MALRD1: variants seen among roughly 807,000 people sequenced by gnomAD.
MALRD1 encodes the protein MAM and LDL receptor class A domain containing 1.
MALRD1 carries 247 observed loss-of-function variants against 242.1 expected under a neutral mutation model. The ratio of observed to expected loss-of-function variants is 1.02; its 90% CI spans 0.92 to 1.13. The LOEUF (loss-of-function observed/expected upper bound fraction) is 1.13. MALRD1 is among the 50% of genes most tolerant of loss of function. The probability of loss-of-function intolerance (pLI) is 0.00; values close to 1 mark genes in which losing one functional copy is unlikely to be tolerated. For missense variants in MALRD1, 2,989 were observed against 2,533.1 expected (o/e 1.18, Z -3.86); for synonymous variants, 995 against 866.6 (o/e 1.15, Z -2.60).
At chr10:19,438,378 T>A (rs1464113208) in intron 28 of MALRD1, among the ~76,000 whole-genome samples, 1 of 152,222 alleles carries the variant, frequency 6.6e-6, no homozygotes, top group Admixed American at 6.5e-5. Context: ...CATTACATAA[T>A]GGATTATATG....
intron 35 of MALRD1, among the ~76,000 whole-genome samples, chr10:19,610,515 G>A (rs2131598159): frequency 6.6e-6 from 1 of 151,994 alleles, no homozygotes; most frequent in Middle Eastern, 3.4e-3. Flanking sequence ...CTGAGACTTG[G>A]TTTGTTGCAC....
chr10:19,688,393 A>G (rs1461178142), intron 36 of MALRD1, among the ~76,000 whole-genome samples: 1 of 152,162 alleles, frequency 6.6e-6, no homozygotes, highest in East Asian at 1.9e-4. Context: ...CTCCTTGGTA[A>G]TTAGGACTAC....
At chr10:19,527,513 C>G (rs902103301) in intron 31 of MALRD1, among the ~76,000 whole-genome samples, 2 of 152,122 alleles carry the variant, frequency 1.3e-5, no homozygotes, top group Non-Finnish European at 2.9e-5. Context: ...AAATATTTGG[C>G]TTTCAACATC....
intron 2 of MALRD1, among the ~76,000 whole-genome samples, chr10:19,080,853 G>A (rs1030033355): frequency 1.3e-5 from 2 of 151,718 alleles, no homozygotes; most frequent in African/African-American, 4.8e-5. Flanking sequence ...GGGAGAAAAT[G>A]TTTTCAGTCT....
chr10:19,376,416 G>A (rs1038944134), intron 26 of MALRD1, among the ~76,000 whole-genome samples: 1 of 152,060 alleles, frequency 6.6e-6, no homozygotes, highest in Non-Finnish European at 1.5e-5. Flanking sequence ...CAGACAGGAG[G>A]GGGAGGTCTC....
chr10:19,351,942 G>C (rs1844393279), intron 25 of MALRD1, 64 bp from the exon 26 acceptor site: 1 of 1,338,688 alleles, frequency 7.5e-7, no homozygotes, highest in African/African-American at 1.5e-5. Context: ...TGATAGAATT[G>C]AAAATAATAT....
chr10:19,171,797 T>C (rs187154749), intron 13 of MALRD1, among the ~76,000 whole-genome samples: 1 of 144,698 alleles, frequency 6.9e-6, no homozygotes, highest in Non-Finnish European at 1.5e-5. Context: ...TATACATATA[T>C]GTGTATATAT....
intron 28 of MALRD1, among the ~76,000 whole-genome samples, chr10:19,429,805 G>T (rs563294642): frequency 6.6e-6 from 1 of 152,118 alleles, no homozygotes; most frequent in African/African-American, 2.4e-5. Flanking sequence ...GATCTTCAAT[G>T]TGACCCTTCA....
chr10:19,133,822 G>A (rs772051603), intron 8 of MALRD1, 34 bp from the exon 9 acceptor site: 22 of 965,478 alleles, frequency 2.3e-5, no homozygotes, highest in South Asian at 5.3e-5. Flanking sequence ...TTAGAATACG[G>A]GTAATGAGTG....
chr10:19,568,629 C>T (rs955369598), intron 33 of MALRD1, among the ~76,000 whole-genome samples: 1 of 152,022 alleles, frequency 6.6e-6, no homozygotes, highest in African/African-American at 2.4e-5. Context: ...CATATAATCA[C>T]CACTTTCTCA....
intron 36 of MALRD1, among the ~76,000 whole-genome samples, chr10:19,643,126 T>C (rs1237269190): frequency 1.3e-5 from 2 of 152,098 alleles, no homozygotes; most frequent in East Asian, 1.9e-4. Flanking sequence ...TTAGTAGTAA[T>C]GTGGGTAAAA....
At position 19,352,082 on chromosome 10, in the gene MALRD1, C is replaced by T. The variant is rs982492087; in HGVS notation, c.4226C>T (p.Thr1409Met). 9 of 1,550,418 alleles carry T rather than the reference C, an allele frequency of 5.8e-6. No individual in the cohort carries two copies. Among genetic ancestry groups the T allele is most frequent in the African/African-American group, 2.7e-5 (2 of 73,132 alleles). Residue 1409 changes from threonine to methionine, a missense_variant, in exon 26 of 40, where the codon ACG becomes ATG. By Grantham distance (81) the Thr-to-Met change is moderately conservative. Transcript: ENST00000454679. ...TLMQVSVTNQ[T>M]KVLLNLTVEQ... ...ATGCAGGTGTCAGTCACAAACCAAA[C>T]GAAGGTTCTACTTAACCTCACTGTA... is the stretch of plus-strand genomic sequence containing the variant.
At chr10:19,275,671 A>G (rs1840482048) in intron 19 of MALRD1, among the ~76,000 whole-genome samples, 1 of 152,102 alleles carries the variant, frequency 6.6e-6, no homozygotes, top group Non-Finnish European at 1.5e-5. Flanking sequence ...TCTGTCTCAA[A>G]AAATAAAAAT....
chr10:19,144,250 T>G (rs921780031), intron 10 of MALRD1, among the ~76,000 whole-genome samples: 26 of 152,206 alleles, frequency 1.7e-4, no homozygotes, highest in African/African-American at 6.3e-4. Context: ...ACTTGAGCCC[T>G]GGGGAAAAGT....
intron 33 of MALRD1, among the ~76,000 whole-genome samples, chr10:19,573,429 G>A (rs1420126389): frequency 6.6e-6 from 1 of 152,166 alleles, no homozygotes; most frequent in Non-Finnish European, 1.5e-5. Flanking sequence ...CAGCAAGGAA[G>A]TGGTCTCATG....
At chr10:19,642,805 A>G (rs753264373) in intron 36 of MALRD1, among the ~76,000 whole-genome samples, 12 of 152,092 alleles carry the variant, frequency 7.9e-5, no homozygotes, top group Non-Finnish European at 1.2e-4. Flanking sequence ...GCATCTATGT[A>G]TTACTAATAG....
chr10:19,403,254 T>C lies in MALRD1; in HGVS notation c.4845+13645T>C, dbSNP rs975285976. 3.3e-5 allele frequency among the ~76,000 whole-genome samples: 5 copies of C among 152,124 alleles called. No individual in the cohort carries two copies. In the East Asian group the frequency reaches 9.6e-4, roughly 29 times the overall value. On this transcript the variant is annotated intron_variant, in intron 28 of 39. Coordinates refer to ENST00000454679, the MANE Select transcript of MALRD1 (RefSeq NM_001142308.3). The stretch of plus-strand genomic sequence containing the variant: ...CTCCATGAATAAAAAATAGAAGCCA[T>C]AAAAGTGGACTTGGATGAATTACTA...
chr10:19,347,635 T>C (rs996407562), intron 24 of MALRD1, 136 bp from the exon 25 acceptor site: 11 of 1,010,468 alleles, frequency 1.1e-5, no homozygotes, highest in Non-Finnish European at 1.3e-5. Flanking sequence ...AGTCTCTTTA[T>C]ATGTTGCTAT....
Position 19,204,234 on chromosome 10 carries a change from G to T in MALRD1, c.2105-74G>T, listed in dbSNP as rs1242836040. On this transcript the variant is annotated intron_variant, in intron 15 of 39. Coordinates refer to ENST00000454679, the MANE Select transcript of MALRD1 (RefSeq NM_001142308.3). ...AGACAATGATCTTGCTCAGTGTAGG[G>T]TTAAGAGACAGATGTCTCATTTTAG... The T allele has an allele frequency of 6.3e-6, 6 of 953,418 alleles. No homozygotes were observed. The East Asian group carries it at 1.6e-4, about 25-fold the overall frequency. 59.1% of individuals were successfully genotyped at this position (953,418 alleles called of 1,614,324 possible).
Sources: gnomAD v4.1 joint callset for allele counts (sites outside exome capture counted in the v4.1 genomes callset) on GRCh38, gnomAD v4.1.1 for gene constraint, MANE v1.5 for transcripts, NCBI Gene and HGNC (gene_info 2026-07-23, HGNC 2026-07-21) for gene names.